Variants in RIMS1 observed in about 807,000 individuals in gnomAD.
The protein encoded by RIMS1 is regulating synaptic membrane exocytosis protein 1.
A neutral mutation model predicts 214.1 loss-of-function variants in RIMS1; 83 were observed. The observed-to-expected ratio is 0.39, with a 90% CI of 0.32 to 0.47. The LOEUF (loss-of-function observed/expected upper bound fraction) is 0.47. Ranked by LOEUF, RIMS1 falls within the 20% of genes least tolerant of loss-of-function variation. The pLI, the probability that RIMS1 is intolerant of heterozygous loss-of-function variation, is 0.99. For synonymous variants in RIMS1, 793 were observed against 786.8 expected (o/e 1.01, Z -0.13); for missense variants, 2,050 against 2,161.8 (o/e 0.95, Z 1.03).
intron 2 of RIMS1, among the ~76,000 whole-genome samples, chr6:72,003,165 G>A (rs1264017660): frequency 6.6e-6 from 1 of 152,084 alleles, no homozygotes; most frequent in African/African-American, 2.4e-5. Context: ...TGATAGGTTG[G>A]GTATAGAGGG....
intron 29 of RIMS1, among the ~76,000 whole-genome samples, chr6:72,384,076 G>C (rs2098543779): frequency 6.6e-6 from 1 of 152,128 alleles, no homozygotes; most frequent in African/African-American, 2.4e-5. Flanking sequence ...TTTGGCCTCA[G>C]AGACTGCTTT....
chr6:72,360,575 G>T (rs1483391878), intron 29 of RIMS1, among the ~76,000 whole-genome samples: 2 of 151,896 alleles, frequency 1.3e-5, no homozygotes, highest in Non-Finnish European at 2.9e-5. Flanking sequence ...TCGTATCAGT[G>T]CTAGCATTTG....
At chr6:72,325,326 C>T (rs1399486402) in intron 28 of RIMS1, among the ~76,000 whole-genome samples, 1 of 151,642 alleles carries the variant, frequency 6.6e-6, no homozygotes. Flanking sequence ...TCATTATTTA[C>T]AGTTTATGTG....
chr6:72,268,144 G>C (rs183752285), intron 22 of RIMS1, among the ~76,000 whole-genome samples: 1 of 152,254 alleles, frequency 6.6e-6, no homozygotes, highest in Admixed American at 6.5e-5. Flanking sequence ...TTGGAGGATA[G>C]AGACTACAAG....
At chr6:72,348,393 C>T (rs1055574640) in intron 29 of RIMS1, among the ~76,000 whole-genome samples, 9 of 151,776 alleles carry the variant, frequency 5.9e-5, no homozygotes, top group Non-Finnish European at 1.3e-4. Context: ...TACTGTCGGA[C>T]GACTGTAGAA....
intron 2 of RIMS1, among the ~76,000 whole-genome samples, chr6:71,986,206 T>A (rs1799912156): frequency 6.6e-6 from 1 of 151,854 alleles, no homozygotes; most frequent in Non-Finnish European, 1.5e-5. Flanking sequence ...TTTTTTTTTT[T>A]TTAATGTTTC....
In RIMS1 at chr6:72,087,378, G is replaced by A. The variant is rs528539077; in HGVS notation, c.246-9571G>A. 6.2e-4 allele frequency among the ~76,000 whole-genome samples: 95 copies of A among 152,302 alleles called. 1 individual carries two copies. Among genetic ancestry groups the A allele is most frequent in the Middle Eastern group, 3.4e-3 (1 of 294 alleles). Reference sequence around the variant, plus strand: ...ATTAGGAAACAAAAGGAAGTTAGAAGAATTCAATTTAGGACTGTAAGGTAG... The same window carrying A: ...ATTAGGAAACAAAAGGAAGTTAGAAAAATTCAATTTAGGACTGTAAGGTAG... On this transcript the variant is annotated intron_variant, in intron 2 of 33. Transcript: ENST00000521978.
chr6:72,309,458 A>G (rs970532831), intron 27 of RIMS1, among the ~76,000 whole-genome samples: 1 of 152,118 alleles, frequency 6.6e-6, no homozygotes, highest in Non-Finnish European at 1.5e-5. Context: ...GCCTATAACA[A>G]TGGATTTGGG....
At chr6:72,387,369 T>C (rs2098631668) in intron 29 of RIMS1, among the ~76,000 whole-genome samples, 1 of 152,238 alleles carries the variant, frequency 6.6e-6, no homozygotes, top group Admixed American at 6.5e-5. Context: ...TATCTCATGC[T>C]GTCTTGGATA....
At chr6:72,178,999 G>T (rs1588623192) in intron 4 of RIMS1, among the ~76,000 whole-genome samples, 1 of 152,132 alleles carries the variant, frequency 6.6e-6, no homozygotes, top group East Asian at 1.9e-4. Flanking sequence ...TAAGCTTAAG[G>T]TTAGTTTATC....
intron 11 of RIMS1, among the ~76,000 whole-genome samples, chr6:72,247,715 A>G (rs79626118): frequency 0.017 from 2,623 of 152,260 alleles, 26 homozygotes; most frequent in African/African-American, 0.024. Flanking sequence ...AACAGGCACT[A>G]TCTTCCTTAT....
At chr6:72,021,388 T>C (rs1814635679) in intron 2 of RIMS1, among the ~76,000 whole-genome samples, 1 of 152,214 alleles carries the variant, frequency 6.6e-6, no homozygotes. Flanking sequence ...GCCAGTGATA[T>C]ACTCAATTTG....
chr6:72,269,600 A>T (rs1255972877), intron 22 of RIMS1, among the ~76,000 whole-genome samples: 1 of 152,048 alleles, frequency 6.6e-6, no homozygotes, highest in Non-Finnish European at 1.5e-5. Flanking sequence ...CTCTCATTTT[A>T]TGGTTTTGAC....
intron 4 of RIMS1, among the ~76,000 whole-genome samples, chr6:72,104,652 A>G (rs571043494): frequency 6.6e-6 from 1 of 152,310 alleles, no homozygotes; most frequent in East Asian, 1.9e-4. Flanking sequence ...CTTGCTGAGC[A>G]TGGAGCAGAG....
chr6:72,305,563 A>T lies in RIMS1; in HGVS notation c.3851-1695A>T, dbSNP rs547305359. ...ACCATAGGCAAAAGACAGAGAACAG[A>T]TATTTTCACATTTTCTATATTGCAT... On this transcript the variant is annotated intron_variant, in intron 26 of 33. Transcript: ENST00000521978. Among the ~76,000 whole-genome samples, 6 of 152,232 alleles carry T rather than the reference A, an allele frequency of 3.9e-5. 1 individual carries two copies. The highest frequency in any genetic ancestry group is 2.6e-4 in the Admixed American group (4 of 15,284).
intron 6 of RIMS1, among the ~76,000 whole-genome samples, chr6:72,196,242 G>A (rs1052833589): frequency 1.3e-5 from 2 of 152,042 alleles, no homozygotes; most frequent in Non-Finnish European, 2.9e-5. Flanking sequence ...ATTTATTCAT[G>A]TAATAATTTA....
chr6:72,133,655 A>G (rs2040816902), intron 4 of RIMS1, among the ~76,000 whole-genome samples: 2 of 152,146 alleles, frequency 1.3e-5, no homozygotes, highest in African/African-American at 2.4e-5. Flanking sequence ...ATCTCAGCTC[A>G]TCTACTCACT....
chr6:72,190,747 T>C (rs919787108), intron 6 of RIMS1, among the ~76,000 whole-genome samples: 2 of 152,090 alleles, frequency 1.3e-5, no homozygotes, highest in African/African-American at 4.8e-5. Context: ...TTGAGCCTGA[T>C]CACATATATG....
intron 6 of RIMS1, among the ~76,000 whole-genome samples, chr6:72,183,647 G>A (rs1301473108): frequency 6.6e-6 from 1 of 150,836 alleles, no homozygotes; most frequent in South Asian, 2.1e-4. Context: ...GGACAATACG[G>A]ATTTGAACTG....
Sources: allele counts gnomAD v4.1 joint callset (sites outside exome capture counted in the v4.1 genomes callset), GRCh38; gene constraint gnomAD v4.1.1; transcripts MANE v1.5; gene names NCBI Gene and HGNC (gene_info 2026-07-23, HGNC 2026-07-21).